Variants in MECOM observed in about 807,000 individuals in gnomAD.
The protein encoded by MECOM is histone-lysine N-methyltransferase MECOM.
A neutral mutation model predicts 116.3 loss-of-function variants in MECOM; 13 were observed. The ratio of observed to expected loss-of-function variants is 0.11; its 90% CI spans 0.07 to 0.18. MECOM has a LOEUF of 0.18. Among genes scored for constraint, MECOM ranks in the 10% least tolerant of loss-of-function variants. MECOM has a pLI of 1.00. For missense variants in MECOM, 1,299 were observed against 1,509.0 expected, an observed-to-expected ratio of 0.86 and a Z score of 2.31; for synonymous variants, 528 against 535.2, an observed-to-expected ratio of 0.99 and a Z score of 0.19.
At chr3:169,303,367 T>G (rs1255394350) in intron 2 of MECOM, among the ~76,000 whole-genome samples, 1 of 151,544 alleles carries the variant, frequency 6.6e-6, no homozygotes, top group Non-Finnish European at 1.5e-5. Context: ...CACACTACTA[T>G]TCATTCATTT....
intron 2 of MECOM, 114 bp downstream of exon 2, chr3:169,381,073 C>T (rs988398): frequency 0.43 from 391,053 of 908,348 alleles, 87,292 homozygotes; most frequent in Middle Eastern, 0.53. Flanking sequence ...TTCTTAAAAA[C>T]CTGTTGAAAA....
At chr3:169,298,077 C>G (rs1175793342) in intron 2 of MECOM, among the ~76,000 whole-genome samples, 1 of 152,108 alleles carries the variant, frequency 6.6e-6, no homozygotes, top group African/African-American at 2.4e-5. Flanking sequence ...TAAACCTGAA[C>G]AAACACATTT....
rs188256218 is a variant in MECOM, at chr3:169,452,295, A to G, written c.38-70771T>C. Among the ~76,000 whole-genome samples the G allele has an allele frequency of 1.1e-4, 17 of 151,974 alleles. No individual in the cohort carries two copies. In the East Asian group the frequency reaches 2.7e-3, roughly 24 times the overall value. ...CACACGCCTTTCCCTTATTTGTAGGACAAAAATGATTGTTAAAAATTTTTA... is the reference window on the plus strand; with the variant it reads ...CACACGCCTTTCCCTTATTTGTAGGGCAAAAATGATTGTTAAAAATTTTTA... On this transcript the variant is annotated intron_variant, in intron 1 of 16. Transcript: ENST00000651503.
At position 169,150,283 on chromosome 3, in the gene MECOM, G is replaced by A. The variant is rs183852821; in HGVS notation, c.376-6451C>T. 1.1e-4 allele frequency among the ~76,000 whole-genome samples: 17 copies of A among 152,314 alleles called. No homozygotes were observed. The East Asian group carries it at 2.9e-3, about 26-fold the overall frequency. The stretch of plus-strand genomic sequence containing the variant: ...AGGAAAAGGATTTTGCAAGGGGCTT[G>A]CTTCTTCCCCTGTTAGCTTGCTTTC... On this transcript the variant is annotated intron_variant, in intron 2 of 16. Coordinates refer to ENST00000651503, the MANE Select transcript of MECOM (RefSeq NM_004991.4).
chr3:169,450,743 T>G (rs184260961), intron 1 of MECOM, among the ~76,000 whole-genome samples: 45 of 152,144 alleles, frequency 3.0e-4, no homozygotes, highest in Admixed American at 2.9e-3. Context: ...TCTCCCTACT[T>G]CCTTACACGT....
intron 1 of MECOM, among the ~76,000 whole-genome samples, chr3:169,654,954 A>G (rs1208421808): frequency 2.6e-5 from 4 of 152,314 alleles, no homozygotes; most frequent in African/African-American, 9.6e-5. Flanking sequence ...TTGGAAATCA[A>G]TGAATCTGGA....
intron 1 of MECOM, among the ~76,000 whole-genome samples, chr3:169,578,092 T>C (rs537419420): frequency 6.6e-6 from 1 of 152,304 alleles, no homozygotes; most frequent in East Asian, 1.9e-4. Flanking sequence ...ATCAAGGGAT[T>C]AGATAACTAA....
chr3:169,521,331 C>A (rs1029077426), intron 1 of MECOM, among the ~76,000 whole-genome samples: 12 of 152,160 alleles, frequency 7.9e-5, no homozygotes, highest in African/African-American at 2.7e-4. Context: ...TTTTGTATTT[C>A]TGTCCTTTAA....
chr3:169,177,986 G>A (rs1404972866), intron 2 of MECOM, among the ~76,000 whole-genome samples: 1 of 151,930 alleles, frequency 6.6e-6, no homozygotes, highest in Non-Finnish European at 1.5e-5. Context: ...AAGATAAAAA[G>A]AAGAAAGAAC....
intron 12 of MECOM, among the ~76,000 whole-genome samples, chr3:169,098,948 C>A (rs1486940985): frequency 3.9e-5 from 6 of 152,102 alleles, no homozygotes; most frequent in African/African-American, 1.4e-4. Context: ...AACTATTAAA[C>A]CAACACTGAT....
Position 169,373,550 on chromosome 3 carries a change from C to A in MECOM, c.375+7637G>T, listed in dbSNP as rs570365447. Among the ~76,000 whole-genome samples, 11 of 152,000 alleles carry A rather than the reference C, an allele frequency of 7.2e-5. No individual in the cohort carries two copies. The South Asian group carries it at 2.3e-3, about 32-fold the overall frequency. On this transcript the variant is annotated intron_variant, in intron 2 of 16. Coordinates refer to ENST00000651503, the MANE Select transcript of MECOM (RefSeq NM_004991.4). ...TTATATAACGGCTAATGACGTGGGG[C>A]AGTTTTTTCTTAAGTTTTTATTTTT...
At chr3:169,462,716 T>A (rs2108745736) in intron 1 of MECOM, among the ~76,000 whole-genome samples, 1 of 152,278 alleles carries the variant, frequency 6.6e-6, no homozygotes, top group East Asian at 1.9e-4. Flanking sequence ...TCTTTCAAAC[T>A]CAACAAGTAA....
intron 2 of MECOM, among the ~76,000 whole-genome samples, chr3:169,354,920 C>T (rs569526837): frequency 2.0e-5 from 3 of 151,784 alleles, no homozygotes; most frequent in South Asian, 4.1e-4. Flanking sequence ...AGCATCCCGG[C>T]GCAATGAATT....
At chr3:169,147,441 G>A (rs765985497) in intron 2 of MECOM, 1 of 985,452 alleles carries the variant, frequency 1.0e-6, no homozygotes, top group East Asian at 1.1e-4. Flanking sequence ...GAGGGAGAAA[G>A]GGAGCTATCT....
chr3:169,589,576 C>T (rs1329217959), intron 1 of MECOM, among the ~76,000 whole-genome samples: 1 of 152,026 alleles, frequency 6.6e-6, no homozygotes, highest in Non-Finnish European at 1.5e-5. Flanking sequence ...CCCCTCAGCT[C>T]TGGCATTTTA....
intron 1 of MECOM, among the ~76,000 whole-genome samples, chr3:169,619,056 A>G (rs1770370119): frequency 6.6e-6 from 1 of 152,178 alleles, no homozygotes; most frequent in African/African-American, 2.4e-5. Context: ...CTAAAGAGAA[A>G]CAGCTATAAA....
At chr3:169,297,072 T>C (rs1715753767) in intron 2 of MECOM, among the ~76,000 whole-genome samples, 1 of 152,248 alleles carries the variant, frequency 6.6e-6, no homozygotes, top group East Asian at 1.9e-4. Flanking sequence ...TCTTTAGTAA[T>C]ACACCTGCAC....
At chr3:169,146,681 C>A in intron 2 of MECOM, 3 of 1,308,386 alleles carry the variant, frequency 2.3e-6, no homozygotes, top group South Asian at 2.4e-5. Context: ...ACTTTCACAT[C>A]GCCCAGACTT....
chr3:169,579,543 C>T (rs1385219804), intron 1 of MECOM, among the ~76,000 whole-genome samples: 1 of 152,152 alleles, frequency 6.6e-6, no homozygotes, highest in Non-Finnish European at 1.5e-5. Flanking sequence ...GGGCATCAAT[C>T]ACAGATTCAC....
Sources: gnomAD v4.1 joint callset for allele counts (sites outside exome capture counted in the v4.1 genomes callset) on GRCh38, gnomAD v4.1.1 for gene constraint, MANE v1.5 for transcripts, NCBI Gene and HGNC (gene_info 2026-07-23, HGNC 2026-07-21) for gene names.